The following PBX1 variants were observed in gnomAD, a reference collection of about 807,000 sequenced individuals.
The protein encoded by PBX1 is PBX homeobox 1, also known as pre-B-cell leukemia transcription factor 1.
PBX1 carries 6 observed loss-of-function variants against 53.4 expected under a neutral mutation model. That is an observed-to-expected ratio of 0.11 (90% CI 0.06 to 0.22). PBX1 has a LOEUF of 0.22. Among genes scored for constraint, PBX1 ranks in the 10% least tolerant of loss-of-function variants. The probability of loss-of-function intolerance (pLI) is 1.00; values close to 1 mark genes in which losing one functional copy is unlikely to be tolerated. For synonymous variants in PBX1, 204 were observed against 212.3 expected (o/e 0.96, Z 0.34); for missense variants, 251 against 551.4 (o/e 0.46, Z 5.46).
intron 2 of PBX1, among the ~76,000 whole-genome samples, chr1:164,576,150 G>C (rs1157150648): frequency 6.6e-6 from 1 of 152,188 alleles, no homozygotes; most frequent in African/African-American, 2.4e-5. Context: ...CAGTGGAGAA[G>C]CCCGGTGGCG....
At chr1:164,683,782 T>C (rs981996406) in intron 2 of PBX1, 1 of 145,446 alleles carries the variant, frequency 6.9e-6, no homozygotes, top group Non-Finnish European at 1.5e-5. Context: ...TGATGAGGGA[T>C]CACTTTAAGA....
chr1:164,668,983 C>G (rs956353065), intron 2 of PBX1, among the ~76,000 whole-genome samples: 1 of 152,130 alleles, frequency 6.6e-6, no homozygotes, highest in East Asian at 1.9e-4. Context: ...CTGTGTGTTA[C>G]GATTCCCGCA....
chr1:164,672,923 C>CT (rs1009128204), intron 2 of PBX1, among the ~76,000 whole-genome samples: 42 of 152,070 alleles, frequency 2.8e-4, no homozygotes, highest in African/African-American at 8.4e-4. Context: ...TTCCTCCTTT[C>CT]TTTTTTTTGT....
chr1:164,804,340 G>A (rs1402131530), intron 4 of PBX1, among the ~76,000 whole-genome samples: 1 of 152,068 alleles, frequency 6.6e-6, no homozygotes, highest in Non-Finnish European at 1.5e-5. Flanking sequence ...TTTTGATGGT[G>A]TCCCCAGAGC....
At chr1:164,881,547 A>T in intron 2 of PBX1, among the ~76,000 whole-genome samples, 1 of 129,620 alleles carries the variant, frequency 7.7e-6, no homozygotes, top group African/African-American at 3.0e-5. Flanking sequence ...GAAGAACCAG[A>T]GAGAGTAGCG....
chr1:164,868,749 G>A (rs1177005059), intron 2 of PBX1, among the ~76,000 whole-genome samples: 1 of 152,164 alleles, frequency 6.6e-6, no homozygotes, highest in Non-Finnish European at 1.5e-5. Flanking sequence ...AGCAGTCTGC[G>A]AGCCTGGCAT....
At chr1:164,749,633 C>CA (rs1013783801) in intron 2 of PBX1, among the ~76,000 whole-genome samples, 2 of 152,120 alleles carry the variant, frequency 1.3e-5, no homozygotes, top group Non-Finnish European at 2.9e-5. Context: ...CCTTTGACCA[C>CA]AAAAAAACTT....
At chr1:164,660,639 G>T (rs1483692101) in intron 2 of PBX1, among the ~76,000 whole-genome samples, 1 of 152,170 alleles carries the variant, frequency 6.6e-6, no homozygotes, top group Non-Finnish European at 1.5e-5. Flanking sequence ...TTATACTGAC[G>T]CCTGCTGCCA....
At chr1:164,733,844 A>G (rs1284836634) in intron 2 of PBX1, among the ~76,000 whole-genome samples, 1 of 152,228 alleles carries the variant, frequency 6.6e-6, no homozygotes, top group Non-Finnish European at 1.5e-5. Context: ...CTTATGCTAA[A>G]CTTGACCGAC....
chr1:164,811,389 A>G (rs1458923331), intron 5 of PBX1, among the ~76,000 whole-genome samples: 3 of 152,234 alleles, frequency 2.0e-5, no homozygotes. Flanking sequence ...TTTGTATGCT[A>G]CAGTTTTTCC....
intron 2 of PBX1, among the ~76,000 whole-genome samples, chr1:164,653,291 T>G (rs905359953): frequency 6.6e-6 from 1 of 152,194 alleles, no homozygotes; most frequent in Non-Finnish European, 1.5e-5. Context: ...CCCTCCTTAT[T>G]ATCGAGTGGT....
At chr1:164,817,400 TC>T (rs1394618818) in intron 6 of PBX1, 1 of 152,234 alleles carries the variant, frequency 6.6e-6, no homozygotes, top group Non-Finnish European at 1.5e-5. Flanking sequence ...TTTGTGGACT[TC>T]CGTCTGCTTC....
chr1:164,667,544 T>C (rs978129764), intron 2 of PBX1, among the ~76,000 whole-genome samples: 10 of 152,124 alleles, frequency 6.6e-5, no homozygotes, highest in African/African-American at 7.2e-5. Context: ...CCTTAGATTA[T>C]AGTCCCTGGG....
At chr1:164,568,357 G>A (rs376716479) in intron 2 of PBX1, among the ~76,000 whole-genome samples, 27 of 151,678 alleles carry the variant, frequency 1.8e-4, no homozygotes, top group Admixed American at 2.0e-4. Context: ...GTTTACCAAA[G>A]CACCACATGA....
chr1:164,632,915 G>T (rs1658499895), intron 2 of PBX1, among the ~76,000 whole-genome samples: 1 of 152,130 alleles, frequency 6.6e-6, no homozygotes, highest in South Asian at 2.1e-4. Flanking sequence ...AGATCCTAGG[G>T]TTCATGTAGA....
chr1:164,688,984 G>A (rs1283761574), intron 2 of PBX1, among the ~76,000 whole-genome samples: 1 of 152,240 alleles, frequency 6.6e-6, no homozygotes, highest in Non-Finnish European at 1.5e-5. Flanking sequence ...TGGCTGGAGG[G>A]TGGCGTCGCG....
chr1:164,571,251 G>A (rs1653830003), intron 2 of PBX1, among the ~76,000 whole-genome samples: 1 of 152,118 alleles, frequency 6.6e-6, no homozygotes, highest in Non-Finnish European at 1.5e-5. Context: ...TATTGACAAA[G>A]TTGTGAACCC....
intron 2 of PBX1, among the ~76,000 whole-genome samples, chr1:164,869,759 CA>C (rs574537780): frequency 2.2e-4 from 34 of 152,294 alleles, no homozygotes; most frequent in African/African-American, 8.2e-4. Flanking sequence ...CTAGAGCAGG[CA>C]GTGGGGCATG....
At chr1:164,772,691 C>T (rs1667438453) in intron 2 of PBX1, among the ~76,000 whole-genome samples, 1 of 152,186 alleles carries the variant, frequency 6.6e-6, no homozygotes, top group Non-Finnish European at 1.5e-5. Flanking sequence ...CTATTGCTGC[C>T]CCGCGTGCTT....
Sources: allele counts gnomAD v4.1 joint callset (sites outside exome capture counted in the v4.1 genomes callset), GRCh38; gene constraint gnomAD v4.1.1; transcripts MANE v1.5; gene names NCBI Gene and HGNC (gene_info 2026-07-23, HGNC 2026-07-21).